The following ADGRG2 variants were observed in gnomAD, a reference collection of about 807,000 sequenced individuals.
ADGRG2 encodes G protein-coupled receptor 64.
Under a neutral mutation model 74.1 loss-of-function variants are expected in ADGRG2, and 26 were observed. That is an observed-to-expected ratio of 0.35 (90% CI 0.26 to 0.49). The LOEUF is 0.49. ADGRG2 is among the 20% of genes least tolerant of loss of function. The pLI is 0.99. For missense variants in ADGRG2, 619 were observed against 763.1 expected, an observed-to-expected ratio of 0.81 and a Z score of 2.22; for synonymous variants, 296 against 295.2, an observed-to-expected ratio of 1.00 and a Z score of -0.03.
chrX:19,000,516 C>G (rs1038131320), intron 24 of ADGRG2, among the ~76,000 whole-genome samples: 10 of 111,598 alleles, frequency 9.0e-5, no homozygotes, highest in African/African-American at 3.3e-4. Flanking sequence ...TGCTCCACTT[C>G]CAGGCCTGCC....
At chrX:19,034,047 T>C (rs2060883517) in intron 7 of ADGRG2, 1 of 123,445 alleles carries the variant, frequency 8.1e-6, no homozygotes, top group South Asian at 3.1e-4. Flanking sequence ...GAATAAAAAT[T>C]AATGTGAAAC....
intron 1 of ADGRG2, among the ~76,000 whole-genome samples, chrX:19,112,682 C>T (rs1362950061): frequency 9.4e-6 from 1 of 106,854 alleles, no homozygotes; most frequent in Non-Finnish European, 1.9e-5. Context: ...GGTAAGGTGG[C>T]TCACACCTGT....
chrX:18,990,949 T>C lies in ADGRG2; in HGVS notation c.2969A>G (p.Lys990Arg). 1 of 1,205,778 alleles carries C rather than the reference T, an allele frequency of 8.3e-7. No individual in the cohort carries two copies. The highest frequency in any genetic ancestry group is 1.1e-6 in the Non-Finnish European group (1 of 890,119). Residue 990 changes from lysine to arginine, a missense_variant, in exon 29 of 29, where the codon AAG becomes AGG. Physicochemically the swap from Lys to Arg is conservative, Grantham distance 26. This residue lies in a region of ADGRG2 where 106 missense variants were observed against 104.5 expected (regional missense o/e 1.01). Transcript: ENST00000379869. Reference protein sequence around the residue: ...FTGKQHMFNEKEDSCNGKGRM... With the variant: ...FTGKQHMFNEREDSCNGKGRM... The stretch of plus-strand genomic sequence containing the variant: ...GCCTTTCCCATTGCAGGAATCTTCC[T>C]TCTCGTTAAACATGTGCTGTTTTCC...
intron 9 of ADGRG2, among the ~76,000 whole-genome samples, chrX:19,029,635 T>C (rs1267388694): frequency 9.0e-6 from 1 of 110,737 alleles, no homozygotes; most frequent in Non-Finnish European, 1.9e-5. Flanking sequence ...AGTCCCTTAA[T>C]TGGGGAAAAC....
chrX:19,091,928 T>C (rs1427663429), intron 1 of ADGRG2, among the ~76,000 whole-genome samples: 1 of 112,533 alleles, frequency 8.9e-6, no homozygotes, highest in African/African-American at 3.2e-5. Context: ...ATGGACATAC[T>C]GAGCAGTATT....
intron 15 of ADGRG2, among the ~76,000 whole-genome samples, chrX:19,018,988 G>A (rs1016441044): frequency 6.3e-5 from 7 of 110,972 alleles, no homozygotes; most frequent in East Asian, 5.7e-4. Flanking sequence ...GACTACAGGC[G>A]CCCGCCACCA....
chrX:19,090,435 C>T (rs1390556264), intron 1 of ADGRG2, among the ~76,000 whole-genome samples: 1 of 111,713 alleles, frequency 9.0e-6, no homozygotes, highest in Admixed American at 9.5e-5. Flanking sequence ...TTTAAGACCC[C>T]CTCCCTCACG....
intron 1 of ADGRG2, among the ~76,000 whole-genome samples, chrX:19,095,095 C>T (rs775537993): frequency 1.8e-5 from 2 of 111,902 alleles, no homozygotes; most frequent in Non-Finnish European, 3.8e-5. Context: ...TCCTGCCTCC[C>T]GCAGGCGTCT....
intron 16 of ADGRG2, 49 bp downstream of exon 16, chrX:19,013,637 T>C: frequency 9.4e-7 from 1 of 1,064,638 alleles, no homozygotes; most frequent in Non-Finnish European, 1.3e-6. Flanking sequence ...CATGGTCTTA[T>C]CATAGATGTC....
At chrX:19,106,960 A>T (rs1156291377) in intron 1 of ADGRG2, among the ~76,000 whole-genome samples, 2 of 110,269 alleles carry the variant, frequency 1.8e-5, no homozygotes, top group African/African-American at 6.6e-5. Context: ...TGCTGCTTTA[A>T]TGCAGGCTAC....
At chrX:19,120,130 A>T (rs935826723) in intron 1 of ADGRG2, among the ~76,000 whole-genome samples, 1 of 111,369 alleles carries the variant, frequency 9.0e-6, no homozygotes, top group African/African-American at 3.3e-5. Context: ...GAGTGATAAA[A>T]GCAGAAGGGA....
intron 3 of ADGRG2, among the ~76,000 whole-genome samples, chrX:19,055,013 A>G (rs1291548254): frequency 8.9e-6 from 1 of 111,852 alleles, no homozygotes; most frequent in African/African-American, 3.3e-5. Flanking sequence ...CAAGGTCAAA[A>G]GCAACAATAA....
intron 8 of ADGRG2, chrX:19,031,426 T>C (rs2060822986): frequency 7.3e-6 from 1 of 136,689 alleles, no homozygotes; most frequent in African/African-American, 3.2e-5. Context: ...GGGGAGTCTA[T>C]GAACACTCTA....
chrX:19,085,003 A>C (rs143194562), intron 1 of ADGRG2, among the ~76,000 whole-genome samples: 108 of 112,494 alleles, frequency 9.6e-4, no homozygotes, highest in African/African-American at 3.4e-3. Context: ...TTAAAATTTT[A>C]AATGTGCATG....
chrX:19,058,843 A>C (rs979713596), intron 3 of ADGRG2, among the ~76,000 whole-genome samples: 5 of 112,460 alleles, frequency 4.4e-5, no homozygotes, highest in African/African-American at 1.6e-4. Context: ...TATTTCTTGA[A>C]CTAAGGAATG....
intron 1 of ADGRG2, among the ~76,000 whole-genome samples, chrX:19,118,622 C>T (rs890530521): frequency 5.4e-5 from 6 of 111,935 alleles, no homozygotes; most frequent in African/African-American, 1.9e-4. Flanking sequence ...CCCCTGGCCT[C>T]AAGCGATCCT....
At chrX:19,015,742 A>G (rs1251375610) in intron 15 of ADGRG2, among the ~76,000 whole-genome samples, 1 of 111,271 alleles carries the variant, frequency 9.0e-6, no homozygotes, top group East Asian at 2.8e-4. Context: ...CAAACGAACA[A>G]ACAACCTTCA....
intron 3 of ADGRG2, among the ~76,000 whole-genome samples, chrX:19,049,438 G>GTTTTTTTTTTTTTTTTTTTTTTTTTT (rs752686975): frequency 1.2e-5 from 1 of 82,166 alleles, no homozygotes; most frequent in African/African-American, 5.7e-5. Context: ...CGTTTTTTGT[G>GTTTTTTTTTTTTTTTTTTTTTTTTTT]TTTTTTTTTT....
chrX:19,121,318 C>G (rs1273038313), intron 1 of ADGRG2, among the ~76,000 whole-genome samples: 1 of 111,764 alleles, frequency 8.9e-6, no homozygotes, highest in Non-Finnish European at 1.9e-5. Context: ...ATTGTTCTCT[C>G]CCCGTGGACA....
Sources: gnomAD v4.1 joint callset for allele counts (sites outside exome capture counted in the v4.1 genomes callset) on GRCh38, gnomAD v4.1.1 for gene constraint, gnomAD v4.1.1 regional missense constraint, MANE v1.5 for transcripts, NCBI Gene and HGNC (gene_info 2026-07-23, HGNC 2026-07-21) for gene names.